The following CFAP47 variants were observed in gnomAD, a reference collection of about 807,000 sequenced individuals.
CFAP47 encodes the protein cilia and flagella associated protein 47, also known as cilia- and flagella-associated protein 47.
In CFAP47, 29 loss-of-function variants were observed where a neutral mutation model predicts 148.1. The ratio of observed to expected loss-of-function variants is 0.20; its 90% confidence interval spans 0.15 to 0.27. The LOEUF (loss-of-function observed/expected upper bound fraction) is 0.27. Among genes scored for constraint, CFAP47 ranks in the 10% least tolerant of loss-of-function variants. CFAP47 has a pLI of 1.00. For synonymous variants in CFAP47, 664 were observed against 577.3 expected (o/e 1.15, Z -2.15); for missense variants, 1,872 against 1,697.5 (o/e 1.10, Z -1.81).
chrX:36,137,989 T>C lies in CFAP47; in HGVS notation c.5352T>C (p.Asn1784=). The change falls in exon 34 of 64, where the codon AAT becomes AAC. Residue 1784 remains asparagine (N), a synonymous_variant. Coordinates refer to ENST00000378653, the MANE Select transcript of CFAP47 (RefSeq NM_001304548.2). Reference sequence around the variant, plus strand: ...TCCCTTCTGAGAGATGGATAGTAAATTTTGACAAAGACCTTTCAGATGGTC... The same window carrying C: ...TCCCTTCTGAGAGATGGATAGTAAACTTTGACAAAGACCTTTCAGATGGTC... The part of the protein sequence containing the change: ...DVIPSERWIV[N]FDKDLSDGLV... 1.1e-6 allele frequency: 1 copy of C among 893,927 alleles called. No homozygotes were observed. The highest frequency in any genetic ancestry group is 1.6e-6 in the Non-Finnish European group (1 of 612,340). 73.7% of individuals were successfully genotyped at this position (893,927 alleles called of 1,213,427 possible). A position where few individuals can be genotyped will look rare whatever the true frequency, so the allele number is the denominator to read the frequency against.
chrX:35,923,409 C>G (rs979624437), intron 1 of CFAP47, among the ~76,000 whole-genome samples: 3 of 111,309 alleles, frequency 2.7e-5, no homozygotes, highest in African/African-American at 9.8e-5. Context: ...TATATTTTTC[C>G]TGGCATCTAG....
intron 33 of CFAP47, among the ~76,000 whole-genome samples, chrX:36,135,246 T>C (rs1939023701): frequency 9.0e-6 from 1 of 110,995 alleles, no homozygotes; most frequent in South Asian, 3.8e-4. Context: ...AAGAACTTAC[T>C]CATGTAATCA....
At chrX:36,082,750 T>C (rs745491054) in intron 29 of CFAP47, among the ~76,000 whole-genome samples, 156 of 111,439 alleles carry the variant, frequency 1.4e-3, no homozygotes, top group Non-Finnish European at 2.5e-3. Context: ...TCATTTAGTA[T>C]AATACATAGA....
chrX:35,943,345 A>G (rs1297007009), intron 3 of CFAP47, among the ~76,000 whole-genome samples: 2 of 111,753 alleles, frequency 1.8e-5, no homozygotes, highest in African/African-American at 6.5e-5. Flanking sequence ...AAAACTCAAC[A>G]CTTGGCAGAT....
chrX:35,955,590 C>G (rs1180855709), intron 7 of CFAP47, among the ~76,000 whole-genome samples: 2 of 111,690 alleles, frequency 1.8e-5, no homozygotes, highest in South Asian at 3.7e-4. Flanking sequence ...ATCAGAGAAG[C>G]CTTTTTGGAC....
intron 45 of CFAP47, among the ~76,000 whole-genome samples, chrX:36,214,275 A>T (rs782092402): frequency 3.3e-4 from 37 of 111,564 alleles, no homozygotes; most frequent in African/African-American, 1.0e-3. Context: ...AAAATATTTT[A>T]AAAAAGATAT....
At chrX:36,049,848 A>T (rs2146736363) in intron 26 of CFAP47, among the ~76,000 whole-genome samples, 1 of 111,375 alleles carries the variant, frequency 9.0e-6, no homozygotes, top group African/African-American at 3.3e-5. Flanking sequence ...AGCTCTTATA[A>T]TCCCCACATG....
At chrX:36,243,647 G>GTATATATATATA (rs58640112) in intron 48 of CFAP47, among the ~76,000 whole-genome samples, 24 of 64,242 alleles carry the variant, frequency 3.7e-4, no homozygotes, top group Non-Finnish European at 6.9e-4. Context: ...ATATGTGTGT[G>GTATATATATATA]TATATATATA....
chrX:36,096,507 A>T (rs1027196070), intron 30 of CFAP47, among the ~76,000 whole-genome samples: 2 of 111,248 alleles, frequency 1.8e-5, no homozygotes, highest in Non-Finnish European at 3.8e-5. Flanking sequence ...TATTTGCTTT[A>T]TATATCTGGG....
chrX:36,175,793 G>T (rs1380746376), intron 39 of CFAP47, among the ~76,000 whole-genome samples: 59 of 113,280 alleles, frequency 5.2e-4, no homozygotes, highest in Non-Finnish European at 1.5e-4. Context: ...GCCTACAGAG[G>T]CAGGCAGGCC....
intron 19 of CFAP47, among the ~76,000 whole-genome samples, chrX:35,998,946 A>G (rs758407449): frequency 1.1e-5 from 1 of 91,876 alleles, no homozygotes; most frequent in African/African-American, 6.1e-5. Context: ...TTTTATCAAT[A>G]TTCCCTTATA....
chrX:36,123,096 T>C (rs1051620626), intron 33 of CFAP47, among the ~76,000 whole-genome samples: 1 of 111,918 alleles, frequency 8.9e-6, no homozygotes, highest in Non-Finnish European at 1.9e-5. Flanking sequence ...CCAGAGGAAT[T>C]TTCTGGATTA....
intron 56 of CFAP47, among the ~76,000 whole-genome samples, chrX:36,315,956 G>A (rs782457842): frequency 9.0e-6 from 1 of 111,616 alleles, no homozygotes; most frequent in South Asian, 3.8e-4. Flanking sequence ...GGAACCCTCT[G>A]AAATTGGCGT....
rs781848792 is a variant in CFAP47 at position 36,250,223 on chromosome X, A to G, written c.7333-1110A>G. Among the ~76,000 whole-genome samples the G allele has an allele frequency of 1.5e-3, 165 of 111,760 alleles. 1 individual carries two copies. The highest frequency in any genetic ancestry group is 5.2e-3 in the African/African-American group (161 of 30,925). On this transcript the variant is annotated intron_variant, in intron 48 of 63. Transcript: ENST00000378653. ...TGTGATATGTACGCAATGAAATACT[A>G]TTCAGTCTTAAAACAGAAGGAAATC...
chrX:35,953,342 A>G (rs1936195732), intron 6 of CFAP47, among the ~76,000 whole-genome samples: 1 of 111,964 alleles, frequency 8.9e-6, no homozygotes, highest in Non-Finnish European at 1.9e-5. Context: ...ATGACTTGGT[A>G]TATTTAAATT....
At chrX:35,950,710 A>ATTGAG (rs768891771) in intron 4 of CFAP47, among the ~76,000 whole-genome samples, 381 of 111,461 alleles carry the variant, frequency 3.4e-3, no homozygotes, top group Non-Finnish European at 5.7e-3. Context: ...ATTGTAAGGA[A>ATTGAG]TTGAGGTGTA....
rs1939978414 is a variant in CFAP47 at position 36,201,381 on chromosome X, G to A, written c.6544G>A (p.Ala2182Thr). 3.4e-6 allele frequency: 1 copy of A among 295,373 alleles called. No homozygotes were observed. Among genetic ancestry groups the A allele is most frequent in the African/African-American group, 2.8e-5 (1 of 36,260 alleles). The allele number at this position is 295,373 out of a possible 1,213,427, so 24.3% of individuals were successfully genotyped here. The change falls in exon 44 of 64, where the codon GCT becomes ACT. Residue 2182 changes from alanine (A) to threonine (T), a missense_variant. Coordinates refer to ENST00000378653, the MANE Select transcript of CFAP47 (RefSeq NM_001304548.2). ...TAATGAAGCCAAGGAAAAGGCTTTGGCTTTTGCAGCACAGCAACAGATGTC... is the reference window on the plus strand; with the variant it reads ...TAATGAAGCCAAGGAAAAGGCTTTGACTTTTGCAGCACAGCAACAGATGTC... ...MTNEAKEKAL[A>T]FAAQQQMSSI...
chrX:35,996,516 C>T (rs146167748), intron 18 of CFAP47, among the ~76,000 whole-genome samples: 1,837 of 111,105 alleles, frequency 0.017, 35 homozygotes, highest in African/African-American at 0.057. Context: ...AAATTTAAAT[C>T]TAGACCTTGA....
At chrX:36,083,502 A>T (rs747338034) in intron 29 of CFAP47, among the ~76,000 whole-genome samples, 1 of 111,684 alleles carries the variant, frequency 9.0e-6, no homozygotes, top group South Asian at 3.7e-4. Context: ...GTGTCCAACA[A>T]AGTCATAGAA....
Sources: gnomAD v4.1 joint callset for allele counts (sites outside exome capture counted in the v4.1 genomes callset) on GRCh38, gnomAD v4.1.1 for gene constraint, MANE v1.5 for transcripts, NCBI Gene and HGNC (gene_info 2026-07-23, HGNC 2026-07-21) for gene names.